The following HACD1 variants were observed in gnomAD, a reference collection of about 807,000 sequenced individuals.
HACD1 encodes the protein very-long-chain (3R)-3-hydroxyacyl-CoA dehydratase 1.
Under a neutral mutation model 32.0 loss-of-function variants are expected in HACD1, and 41 were observed. The observed-to-expected ratio is 1.28, with a 90% CI of 1.00 to 1.66. The LOEUF (loss-of-function observed/expected upper bound fraction) is 1.66, where lower values mean the gene tolerates loss of function less well. HACD1 is among the 40% of genes most tolerant of loss of function. The probability of loss-of-function intolerance (pLI) is 0.00; values close to 1 mark genes in which losing one functional copy is unlikely to be tolerated. For synonymous variants in HACD1, 142 were observed against 139.0 expected, an observed-to-expected ratio of 1.02 and a Z score of -0.15; for missense variants, 396 against 380.1, an observed-to-expected ratio of 1.04 and a Z score of -0.35.
intron 1 of HACD1, among the ~76,000 whole-genome samples, chr10:17,612,238 G>A (rs1414577695): frequency 2.6e-5 from 4 of 151,920 alleles, no homozygotes; most frequent in East Asian, 1.9e-4. Context: ...GTCGTTAGGC[G>A]CATGATTTAA....
At chr10:17,597,798 G>A (rs913681282) in intron 5 of HACD1, among the ~76,000 whole-genome samples, 1 of 152,124 alleles carries the variant, frequency 6.6e-6, no homozygotes, top group African/African-American at 2.4e-5. Context: ...ACATTTTCAT[G>A]TACAGTAAGA....
chr10:17,604,302 G>A (rs1329434612), intron 1 of HACD1, among the ~76,000 whole-genome samples: 1 of 151,972 alleles, frequency 6.6e-6, no homozygotes, highest in Non-Finnish European at 1.5e-5. Context: ...TGGCTAACAC[G>A]GTGAAACCCC....
At chr10:17,592,820 A>G (rs1833945943) in intron 6 of HACD1, among the ~76,000 whole-genome samples, 1 of 152,238 alleles carries the variant, frequency 6.6e-6, no homozygotes, top group Admixed American at 6.5e-5. Flanking sequence ...GTAGAAAATC[A>G]GATACAGAAT....
chr10:17,608,462 C>T (rs1834179787), intron 1 of HACD1, among the ~76,000 whole-genome samples: 1 of 152,092 alleles, frequency 6.6e-6, no homozygotes, highest in African/African-American at 2.4e-5. Flanking sequence ...GAGGCTTGGA[C>T]CGAAGATAGT....
intron 1 of HACD1, 21 bp from the exon 2 acceptor site, chr10:17,604,068 A>G (rs782597148): frequency 5.4e-6 from 8 of 1,473,336 alleles, no homozygotes; most frequent in Non-Finnish European, 7.4e-6. Flanking sequence ...AAAGTATTTC[A>G]TAAAGTTCTT....
At position 17,604,002 on chromosome 10, in the gene HACD1, T is replaced by C; in HGVS notation, c.303A>G (p.Lys101=). 5 of 1,600,286 alleles carry C rather than the reference T, an allele frequency of 3.1e-6. No individual in the cohort carries two copies. The highest frequency in any genetic ancestry group is 1.8e-5 in the Admixed American group (1 of 56,820). The change falls in exon 2 of 7, where the codon AAA becomes AAG. Residue 101 remains lysine (K), a synonymous_variant. Transcript: ENST00000361271. ...AIAMVRFYME[K]GTHRGLYKSI... is the part of the protein sequence containing the mutation. ...TTTTATATAAACCTCTGTGTGTTCCTTTTTCCATATAAAAACGTACCATGG... is the reference window on the plus strand; with the variant it reads ...TTTTATATAAACCTCTGTGTGTTCCCTTTTCCATATAAAAACGTACCATGG...
At chr10:17,616,241 C>CCTG (rs55923452) in intron 1 of HACD1, among the ~76,000 whole-genome samples, 109,171 of 151,292 alleles carry the variant, frequency 0.72, 39,759 homozygotes, top group African/African-American at 0.79. Context: ...TGCACTCCAG[C>CCTG]CAAGACCGAG....
intron 1 of HACD1, among the ~76,000 whole-genome samples, chr10:17,610,142 G>C (rs1449829835): frequency 1.3e-5 from 2 of 152,098 alleles, no homozygotes; most frequent in Non-Finnish European, 2.9e-5. Flanking sequence ...AGCAAAAACT[G>C]AAGAGAGCCC....
intron 1 of HACD1, among the ~76,000 whole-genome samples, chr10:17,610,999 C>CTTTTTTTTTTT (rs71393021): frequency 4.9e-5 from 5 of 103,008 alleles, no homozygotes; most frequent in African/African-American, 2.0e-4. Context: ...AGGTCCTCTT[C>CTTTTTTTTTTT]TTTTTTTTTT....
Position 17,595,064 on chromosome 10 carries a change from G to A in HACD1, c.606-681C>T, listed in dbSNP as rs188838042. ...AGTAGAGACAGGGTTTCACCATGTT[G>A]GTCAGGCTGGTCTTGAACTCCTGCC... On this transcript the variant is annotated intron_variant, in intron 5 of 6. Coordinates refer to ENST00000361271, the MANE Select transcript of HACD1 (RefSeq NM_014241.4). Among the ~76,000 whole-genome samples, 29 of 152,020 alleles carry A rather than the reference G, an allele frequency of 1.9e-4. No homozygotes were observed. In the East Asian group the frequency reaches 5.6e-3, roughly 29 times the overall value.
chr10:17,614,048 T>G (rs1208299799), intron 1 of HACD1, among the ~76,000 whole-genome samples: 1 of 152,212 alleles, frequency 6.6e-6, no homozygotes, highest in Admixed American at 6.5e-5. Context: ...ACTGGAGCTA[T>G]GCATTGATGT....
chr10:17,596,452 T>C (rs1408824019), intron 5 of HACD1, among the ~76,000 whole-genome samples: 1 of 151,556 alleles, frequency 6.6e-6, no homozygotes, highest in Non-Finnish European at 1.5e-5. Flanking sequence ...ACTGATTAAG[T>C]TGCAATTTTT....
intron 6 of HACD1, among the ~76,000 whole-genome samples, chr10:17,592,575 A>C (rs1473372482): frequency 6.6e-6 from 1 of 152,070 alleles, no homozygotes; most frequent in Non-Finnish European, 1.5e-5. Context: ...GCCAGAGTCT[A>C]CATCTCCCAG....
At chr10:17,595,915 G>A (rs1215699807) in intron 5 of HACD1, among the ~76,000 whole-genome samples, 1 of 152,016 alleles carries the variant, frequency 6.6e-6, no homozygotes, top group African/African-American at 2.4e-5. Context: ...GAGCCTAGGA[G>A]GTCAAGGGGG....
At chr10:17,592,822 A>C (rs192943270) in intron 6 of HACD1, among the ~76,000 whole-genome samples, 6 of 152,342 alleles carry the variant, frequency 3.9e-5, no homozygotes, top group African/African-American at 7.2e-5. Context: ...AGAAAATCAG[A>C]TACAGAATCA....
chr10:17,604,237 G>T (rs557336351), intron 1 of HACD1, among the ~76,000 whole-genome samples, 190 bp from the exon 2 acceptor site: 4 of 152,192 alleles, frequency 2.6e-5, no homozygotes, highest in African/African-American at 9.6e-5. Context: ...TGTAATCCCC[G>T]CACTTTGGGA....
chr10:17,591,665 T>G lies in HACD1; in HGVS notation c.785-1219A>C, dbSNP rs568337482. On this transcript the variant is annotated intron_variant, in intron 6 of 6. Transcript: ENST00000361271. ...GGTGGATAAACAAATTAATATCAGC[T>G]ATAAACAATGCCAGTGTAAAAATAT... 2.6e-4 allele frequency among the ~76,000 whole-genome samples: 40 copies of G among 152,328 alleles called. 1 individual carries two copies. The South Asian group carries it at 6.6e-3, about 25-fold the overall frequency.
At chr10:17,603,373 G>T (rs1834098638) in intron 4 of HACD1, 187 bp downstream of exon 4, 1 of 523,814 alleles carries the variant, frequency 1.9e-6, no homozygotes, top group South Asian at 3.0e-5. Context: ...CAATATTTGG[G>T]TTTGTTTGTG....
At chr10:17,612,208 G>C (rs1230947049) in intron 1 of HACD1, among the ~76,000 whole-genome samples, 5 of 150,214 alleles carry the variant, frequency 3.3e-5, no homozygotes, top group African/African-American at 4.9e-5. Context: ...GAATTGAACA[G>C]AAACAAATAA....
Sources: allele counts gnomAD v4.1 joint callset (sites outside exome capture counted in the v4.1 genomes callset), GRCh38; gene constraint gnomAD v4.1.1; transcripts MANE v1.5; gene names NCBI Gene and HGNC (gene_info 2026-07-23, HGNC 2026-07-21).